The following MSRB3 variants were observed in gnomAD, a reference collection of about 807,000 sequenced individuals.
MSRB3 encodes methionine sulfoxide reductase B3.
In MSRB3, 13 loss-of-function variants were observed where a neutral mutation model predicts 21.0. That is an observed-to-expected ratio of 0.62 (90% CI 0.40 to 0.98). MSRB3 has a LOEUF of 0.98. MSRB3 is among the 50% of genes least tolerant of loss of function. The probability of loss-of-function intolerance (pLI) is 0.00; values close to 1 mark genes in which losing one functional copy is unlikely to be tolerated. For missense variants in MSRB3, 199 were observed against 230.3 expected, an observed-to-expected ratio of 0.86 and a Z score of 0.88; for synonymous variants, 87 against 88.6, an observed-to-expected ratio of 0.98 and a Z score of 0.10.
At chr12:65,457,782 G>A (rs1883157456) in intron 6 of MSRB3, among the ~76,000 whole-genome samples, 1 of 151,380 alleles carries the variant, frequency 6.6e-6, no homozygotes, top group Non-Finnish European at 1.5e-5. Context: ...TCAAAAAGTG[G>A]GTGAAGGATA....
chr12:65,428,649 C>G (rs1881726945), intron 5 of MSRB3, among the ~76,000 whole-genome samples: 2 of 152,218 alleles, frequency 1.3e-5, no homozygotes, highest in South Asian at 4.2e-4. Flanking sequence ...ACCCCTCTGC[C>G]CAGAGTTTTT....
intron 5 of MSRB3, among the ~76,000 whole-genome samples, chr12:65,407,598 T>G (rs1565877951): frequency 6.6e-6 from 1 of 152,190 alleles, no homozygotes; most frequent in Non-Finnish European, 1.5e-5. Flanking sequence ...TGTCTGTCAT[T>G]AATTTTGGAA....
At chr12:65,286,716 A>T (rs984153809) in intron 1 of MSRB3, 18 of 126,980 alleles carry the variant, frequency 1.4e-4, no homozygotes, top group African/African-American at 6.9e-4. Context: ...AGAATCTATT[A>T]AAAAAAAAAA....
intron 2 of MSRB3, among the ~76,000 whole-genome samples, chr12:65,318,986 T>C (rs745787709): frequency 6.6e-6 from 1 of 152,178 alleles, no homozygotes; most frequent in Admixed American, 6.5e-5. Flanking sequence ...GAATGTTTCA[T>C]CAGGATGAAT....
chr12:65,424,395 C>T (rs910131473), intron 5 of MSRB3, among the ~76,000 whole-genome samples: 7 of 151,860 alleles, frequency 4.6e-5, no homozygotes, highest in South Asian at 2.1e-4. Flanking sequence ...TGAGATGTAA[C>T]GTTAGGCTGT....
At chr12:65,328,632 G>T (rs1458435442) in intron 4 of MSRB3, 29 bp downstream of exon 4, 21 of 1,456,302 alleles carry the variant, frequency 1.4e-5, no homozygotes, top group Non-Finnish European at 1.9e-5. Flanking sequence ...TATAGGTATG[G>T]CTGTATCATA....
intron 1 of MSRB3, chr12:65,306,752 A>T (rs1873675681): frequency 1.3e-6 from 1 of 777,560 alleles, no homozygotes; most frequent in African/African-American, 1.9e-5. Context: ...GTAGAAATAC[A>T]GGCAACAGAA....
chr12:65,351,809 T>A (rs1271685180), intron 4 of MSRB3, among the ~76,000 whole-genome samples: 1 of 151,940 alleles, frequency 6.6e-6, no homozygotes, highest in Non-Finnish European at 1.5e-5. Flanking sequence ...GCTGAAATTG[T>A]GGCAATAATC....
intron 4 of MSRB3, among the ~76,000 whole-genome samples, chr12:65,352,254 A>T (rs1281227285): frequency 1.3e-5 from 2 of 152,150 alleles, no homozygotes; most frequent in Non-Finnish European, 2.9e-5. Context: ...CCTTTGACAA[A>T]ATTCAACAAC....
Position 65,398,924 on chromosome 12 carries a change from TGGCGTTATTTCTGA to T in MSRB3, c.292+29902_292+29915del, listed in dbSNP as rs199887883. Among the ~76,000 whole-genome samples the T allele has an allele frequency of 4.6e-4, 70 of 152,290 alleles. 2 individuals carry two copies. The East Asian group carries it at 0.012, about 26-fold the overall frequency. On this transcript the variant is annotated intron_variant, in intron 5 of 6. Coordinates refer to ENST00000308259, the MANE Select transcript of MSRB3 (RefSeq NM_001031679.3). ...CAAAGATCAGAGGGTTGTAGGTGTG[TGGCGTTATTTCTGA>T]GGCCTCTGTTCTGTTCTCTTGGTCT...
chr12:65,379,209 TC>T (rs2136554443), intron 5 of MSRB3, among the ~76,000 whole-genome samples: 1 of 151,364 alleles, frequency 6.6e-6, no homozygotes, highest in East Asian at 1.9e-4. Flanking sequence ...CATCCATCCA[TC>T]CATCCATCTA....
intron 1 of MSRB3, among the ~76,000 whole-genome samples, chr12:65,297,188 G>A (rs148201890): frequency 6.6e-6 from 1 of 152,198 alleles, no homozygotes; most frequent in East Asian, 1.9e-4. Flanking sequence ...ATGGACACAG[G>A]GAGGGAGGCA....
At chr12:65,395,883 T>C (rs576084808) in intron 5 of MSRB3, among the ~76,000 whole-genome samples, 1 of 152,344 alleles carries the variant, frequency 6.6e-6, no homozygotes, top group East Asian at 1.9e-4. Flanking sequence ...TACTAATTTC[T>C]CCTTCTCACT....
At chr12:65,292,166 T>C (rs1872701411) in intron 1 of MSRB3, among the ~76,000 whole-genome samples, 1 of 152,208 alleles carries the variant, frequency 6.6e-6, no homozygotes, top group South Asian at 2.1e-4. Flanking sequence ...GAGCTCAATT[T>C]GGTCCCTGTC....
intron 4 of MSRB3, among the ~76,000 whole-genome samples, chr12:65,337,869 A>T (rs1875885280): frequency 1.3e-5 from 2 of 152,194 alleles, no homozygotes; most frequent in South Asian, 2.1e-4. Flanking sequence ...AAATTATATA[A>T]CTTACATGAG....
intron 5 of MSRB3, among the ~76,000 whole-genome samples, chr12:65,380,720 T>G (rs1309483104): frequency 6.6e-6 from 1 of 152,338 alleles, no homozygotes; most frequent in East Asian, 1.9e-4. Context: ...CTAATTTGCA[T>G]AGACCATACA....
At chr12:65,442,497 TC>T (rs1444621787) in intron 5 of MSRB3, among the ~76,000 whole-genome samples, 1 of 152,040 alleles carries the variant, frequency 6.6e-6, no homozygotes, top group Non-Finnish European at 1.5e-5. Context: ...TCTTTGAATT[TC>T]CCCATCCTAT....
At chr12:65,445,161 C>A (rs1238545032) in intron 5 of MSRB3, among the ~76,000 whole-genome samples, 1 of 152,074 alleles carries the variant, frequency 6.6e-6, no homozygotes, top group African/African-American at 2.4e-5. Flanking sequence ...TTCTTCACTG[C>A]CCTGCATGTA....
At chr12:65,319,360 G>A (rs1311600060) in intron 2 of MSRB3, among the ~76,000 whole-genome samples, 3 of 151,962 alleles carry the variant, frequency 2.0e-5, no homozygotes, top group Non-Finnish European at 4.4e-5. Context: ...TATCTATTGG[G>A]ATGTCTAGAT....
Sources: gnomAD v4.1 joint callset for allele counts (sites outside exome capture counted in the v4.1 genomes callset) on GRCh38, gnomAD v4.1.1 for gene constraint, MANE v1.5 for transcripts, NCBI Gene and HGNC (gene_info 2026-07-23, HGNC 2026-07-21) for gene names.